FCRL2: variants seen among roughly 807,000 people sequenced by gnomAD.
The protein encoded by FCRL2 is Fc receptor-like protein 2.
Under a neutral mutation model 59.8 loss-of-function variants are expected in FCRL2, and 48 were observed. The observed-to-expected ratio is 0.80, with a 90% CI of 0.64 to 1.02. FCRL2 has a LOEUF of 1.02. Ranked by LOEUF, FCRL2 falls within the 50% of genes least tolerant of loss-of-function variation. The pLI is 0.00. For missense variants in FCRL2, 658 were observed against 597.3 expected (o/e 1.10, Z -1.06); for synonymous variants, 251 against 229.5 (o/e 1.09, Z -0.85).
chr1:157,752,162 G>C (rs1244391725), intron 7 of FCRL2, among the ~76,000 whole-genome samples: 9 of 152,312 alleles, frequency 5.9e-5, no homozygotes, highest in Admixed American at 2.0e-4. Flanking sequence ...ATATAGGAGT[G>C]ATATGGTGTG....
intron 2 of FCRL2, 93 bp from the exon 3 acceptor site, chr1:157,770,759 A>G (rs1412358931): frequency 7.5e-7 from 1 of 1,334,776 alleles, no homozygotes; most frequent in Non-Finnish European, 1.0e-6. Flanking sequence ...CATAGCCTCT[A>G]CTTCTTTAAA....
rs558318023 is a variant in FCRL2 at position 157,769,053 on chromosome 1, A to G, written c.596-352T>C. On this transcript the variant is annotated intron_variant, in intron 4 of 11. Transcript: ENST00000361516. The stretch of plus-strand genomic sequence containing the variant: ...TCAGTCTTGCAGTGGAAAAGTCATT[A>G]TTCCTAACAACGGTCCCAATAATAA... 11 of 178,776 alleles carry G rather than the reference A, an allele frequency of 6.2e-5. No homozygotes were observed. In the South Asian group the frequency reaches 1.9e-3, roughly 30 times the overall value. The allele number at this position is 178,776 out of a possible 1,614,324, so 11.1% of individuals were successfully genotyped here. A position where few individuals can be genotyped will look rare whatever the true frequency, so the allele number is the denominator to read the frequency against.
In FCRL2 at chr1:157,748,558, C is replaced by A; in HGVS notation, c.1454G>T (p.Ser485Ile). 6.2e-7 allele frequency: 1 copy of A among 1,613,720 alleles called. No individual in the cohort carries two copies. Among genetic ancestry groups the A allele is most frequent in the Middle Eastern group, 1.7e-4 (1 of 6,058 alleles). Reference protein sequence around the residue: ...SQVWSMQQPESSANIRTLLEN... With the variant: ...SQVWSMQQPEISANIRTLLEN... ...ACTACTTTGCAGTTTCTCACCTGAG[C>A]TTTCTGGCTGCTGCATGCTCCAGAC... The change falls in exon 10 of 12, where the codon AGC becomes ATC. Residue 485 changes from serine to isoleucine, a missense_variant. Physicochemically the swap from Ser to Ile is moderately radical, Grantham distance 142. Coordinates refer to ENST00000361516, the MANE Select transcript of FCRL2 (RefSeq NM_030764.4).
chr1:157,748,642 AC>A lies in FCRL2; in HGVS notation c.1394-25del, dbSNP rs747283044. On this transcript the variant is annotated intron_variant, in intron 9 of 11. Transcript: ENST00000361516. ...CACTGCAGGGAGAAGACAAGAGTTC[AC>A]AGATGTTGGTGGCCCAGGGTTCACA... 3 of 1,607,892 alleles carry A rather than the reference AC, an allele frequency of 1.9e-6. No homozygotes were observed. The African/African-American group carries it at 4.0e-5, about 21-fold the overall frequency.
chr1:157,764,233 G>GA (rs147774168), intron 7 of FCRL2, among the ~76,000 whole-genome samples: 6,211 of 145,688 alleles, frequency 0.043, 417 homozygotes, highest in African/African-American at 0.15. Flanking sequence ...AAATAATGGT[G>GA]AAAAAAAAAC....
intron 2 of FCRL2, chr1:157,774,476 C>A (rs1443387517): frequency 2.2e-6 from 1 of 456,234 alleles, no homozygotes; most frequent in Admixed American, 2.4e-5. Flanking sequence ...GAAAAGATCT[C>A]AAACTTCTGA....
At chr1:157,767,040 A>G (rs1649548407) in intron 6 of FCRL2, 69 bp from the exon 7 acceptor site, 1 of 1,407,314 alleles carries the variant, frequency 7.1e-7, no homozygotes, top group Non-Finnish European at 9.8e-7. Context: ...AATGCTATAT[A>G]GGGATGTTAA....
At chr1:157,763,286 G>A (rs1357102590) in intron 7 of FCRL2, among the ~76,000 whole-genome samples, 11 of 152,192 alleles carry the variant, frequency 7.2e-5, no homozygotes, top group Admixed American at 5.2e-4. Context: ...ACTTTGGGAG[G>A]CCGGGGCAGG....
At chr1:157,758,225 AG>A (rs2101697313) in intron 7 of FCRL2, among the ~76,000 whole-genome samples, 1 of 152,284 alleles carries the variant, frequency 6.6e-6, no homozygotes, top group Non-Finnish European at 1.5e-5. Context: ...TTGAAAGAGC[AG>A]TGATGAGGCA....
rs1649933105 is a variant in FCRL2 at position 157,770,600 on chromosome 1, C to T, written c.119G>A (p.Gly40Glu). The change falls in exon 3 of 12, where the codon GGA becomes GAA. Residue 40 changes from glycine to glutamate, a missense_variant. Transcript: ENST00000361516. ...CTTCTGAATTTTCCAGTTCTGTTCT[C>T]CCTGGCATTTCAGAACGATGCTGTC... ...EGDSIVLKCQ[G>E]EQNWKIQKMA... The T allele has an allele frequency of 3.7e-6, 6 of 1,614,126 alleles. No homozygotes were observed. The highest frequency in any genetic ancestry group is 2.7e-5 in the African/African-American group (2 of 75,052).
At chr1:157,769,058 T>G (rs1649765080) in intron 4 of FCRL2, 1 of 175,318 alleles carries the variant, frequency 5.7e-6, no homozygotes, top group Admixed American at 6.1e-5. Flanking sequence ...TCATTATTCC[T>G]AACAACGGTC....
intron 7 of FCRL2, among the ~76,000 whole-genome samples, chr1:157,756,240 G>A (rs1419408476): frequency 2.6e-5 from 4 of 152,294 alleles, no homozygotes; most frequent in Non-Finnish European, 2.9e-5. Flanking sequence ...GTAGGGGTCC[G>A]AGGACCTTCA....
In FCRL2 at chr1:157,768,583, G is replaced by C; in HGVS notation, c.714C>G (p.Ser238=). 6.2e-7 allele frequency: 1 copy of C among 1,614,204 alleles called. No individual in the cohort carries two copies. Among genetic ancestry groups the C allele is most frequent in the Non-Finnish European group, 8.5e-7 (1 of 1,180,040 alleles). ...VAGGTGNVTF[S]WYREATGTSM... Reference sequence around the variant, plus strand: ...TGGTTCCTGTGGCCTCTCTGTACCAGGAGAATGTGACATTTCCTGTACCCC... The same window carrying C: ...TGGTTCCTGTGGCCTCTCTGTACCACGAGAATGTGACATTTCCTGTACCCC... The change falls in exon 5 of 12, where the codon TCC becomes TCG. Residue 238 remains serine (S), a synonymous_variant. Coordinates refer to ENST00000361516, the MANE Select transcript of FCRL2 (RefSeq NM_030764.4).
At position 157,746,791 on chromosome 1, in the gene FCRL2, G is replaced by A. The variant is rs766181601; in HGVS notation, c.1489-17C>T. The A allele has an allele frequency of 6.2e-7, 1 of 1,613,898 alleles. No homozygotes were observed. Among genetic ancestry groups the A allele is most frequent in the Non-Finnish European group, 8.5e-7 (1 of 1,179,796 alleles). ...TTGGGAGTCCTGGGAGAGACACACA[G>A]GAATAAAGACTGAGGTGATCAAGAA... On this transcript the variant is annotated splice_polypyrimidine_tract_variant and intron_variant, in intron 11 of 11. Transcript: ENST00000361516.
Position 157,746,668 on chromosome 1 carries a change from G to C in FCRL2, c.*68C>G, listed in dbSNP as rs905867180. ...TGATAAGCCTCAAGCATTTTCATAA[G>C]GTTTTATAGCAAGTCTTAATGATGC... is the stretch of plus-strand genomic sequence containing the variant. On this transcript the variant is annotated 3_prime_UTR_variant, in exon 12 of 12. Coordinates refer to ENST00000361516, the MANE Select transcript of FCRL2 (RefSeq NM_030764.4). The C allele has an allele frequency of 7.8e-6, 12 of 1,529,812 alleles. No homozygotes were observed. Among genetic ancestry groups the C allele is most frequent in the Admixed American group, 5.1e-5 (3 of 59,398 alleles). 94.8% of individuals were successfully genotyped at this position (1,529,812 alleles called of 1,614,324 possible). A position where few individuals can be genotyped will look rare whatever the true frequency, so the allele number is the denominator to read the frequency against.
At chr1:157,749,194 T>G (rs1171093298) in intron 8 of FCRL2, among the ~76,000 whole-genome samples, 1 of 152,040 alleles carries the variant, frequency 6.6e-6, no homozygotes, top group Non-Finnish European at 1.5e-5. Context: ...AGAATCTTTT[T>G]TTTTCTTATA....
rs146316751 is a variant in FCRL2 at position 157,767,262 on chromosome 1, C to T, written c.1131G>A (p.Gln377=). ...TGGAGACTGGCACTGCCTCACTGCA[C>T]TGGGCCCCCAGGCCGTTGTTGGCCT... The part of the protein sequence containing the change: ...SCEANNGLGA[Q]CSEAVPVSIS... Residue 377 remains glutamine (Q), a synonymous_variant, in exon 6 of 12, where the codon CAG becomes CAA. Transcript: ENST00000361516. 15 of 1,613,880 alleles carry T rather than the reference C, an allele frequency of 9.3e-6. No homozygotes were observed. In the African/African-American group the frequency reaches 1.9e-4, roughly 20 times the overall value.
chr1:157,753,164 G>T (rs1648326990), intron 7 of FCRL2, among the ~76,000 whole-genome samples: 1 of 152,048 alleles, frequency 6.6e-6, no homozygotes, highest in Non-Finnish European at 1.5e-5. Context: ...GTGTGTGTGG[G>T]GTTTTTCTTC....
intron 2 of FCRL2, among the ~76,000 whole-genome samples, chr1:157,772,960 CT>C (rs1650138340): frequency 6.6e-6 from 1 of 152,134 alleles, no homozygotes; most frequent in South Asian, 2.1e-4. Flanking sequence ...AGCCAAATCA[CT>C]TCAGATGACA....
Sources: gnomAD v4.1 joint callset for allele counts (sites outside exome capture counted in the v4.1 genomes callset) on GRCh38, gnomAD v4.1.1 for gene constraint, MANE v1.5 for transcripts, NCBI Gene and HGNC (gene_info 2026-07-23, HGNC 2026-07-21) for gene names.